The following PRR16 variants were observed in gnomAD, a reference collection of about 807,000 sequenced individuals.
The protein encoded by PRR16 is protein Largen.
Under a neutral mutation model 18.2 loss-of-function variants are expected in PRR16, and 6 were observed. The ratio of observed to expected loss-of-function variants is 0.33; its 90% confidence interval spans 0.18 to 0.65. The LOEUF is 0.65. Among genes scored for constraint, PRR16 ranks in the 30% least tolerant of loss-of-function variants. The pLI is 0.74. For synonymous variants in PRR16, 151 were observed against 147.8 expected, an observed-to-expected ratio of 1.02 and a Z score of -0.16; for missense variants, 412 against 376.6, an observed-to-expected ratio of 1.09 and a Z score of -0.78.
chr5:120,567,767 C>A (rs1316726923), intron 1 of PRR16, among the ~76,000 whole-genome samples: 1 of 152,182 alleles, frequency 6.6e-6, no homozygotes, highest in Non-Finnish European at 1.5e-5. Context: ...GTGTAAGTTT[C>A]TTCAGGCCTC....
At chr5:120,583,313 ATGTGTGTGTGTGTGTGTG>A (rs35255792) in intron 1 of PRR16, among the ~76,000 whole-genome samples, 1 of 149,134 alleles carries the variant, frequency 6.7e-6, no homozygotes, top group East Asian at 2.0e-4. Context: ...ATACAAAATA[ATGTGTGTGTGTGTGTGTG>A]TGTGTGTGTG....
the PRR16 span, among the ~76,000 whole-genome samples, chr5:120,769,354 G>T: frequency 6.8e-6 from 1 of 147,610 alleles, no homozygotes. Flanking sequence ...CCCTCTTTTT[G>T]TGGTAAGGAC....
Position 120,464,364 on chromosome 5 carries a change from C to A in PRR16, c.-123C>A. 1 of 1,146,446 alleles carries A rather than the reference C, an allele frequency of 8.7e-7. No individual in the cohort carries two copies. The highest frequency in any genetic ancestry group is 1.2e-6 in the Non-Finnish European group (1 of 858,746). 71.0% of individuals were successfully genotyped at this position (1,146,446 alleles called of 1,614,324 possible). On this transcript the variant is annotated 5_prime_UTR_variant, in exon 1 of 2. Coordinates refer to ENST00000407149, the MANE Select transcript of PRR16 (RefSeq NM_001300783.2). The stretch of plus-strand genomic sequence containing the variant: ...GCGGAGCGCAGCCACTCGCCGCTGC[C>A]CAGGGAGCGCCCAAGATGTGGGGGG...
chr5:120,665,468 C>A (rs1276494758), intron 1 of PRR16, among the ~76,000 whole-genome samples: 1 of 152,014 alleles, frequency 6.6e-6, no homozygotes, highest in Non-Finnish European at 1.5e-5. Flanking sequence ...TTAATTAGAT[C>A]CCATTTGTCA....
chr5:120,782,420 A>T, the PRR16 span, among the ~76,000 whole-genome samples: 1 of 152,074 alleles, frequency 6.6e-6, no homozygotes, highest in Non-Finnish European at 1.5e-5. Context: ...TTTATCTTTC[A>T]AATTGTGTTT....
chr5:120,513,762 C>CT (rs1294799034), intron 1 of PRR16, among the ~76,000 whole-genome samples: 10,446 of 142,040 alleles, frequency 0.074, 786 homozygotes, highest in African/African-American at 0.2. Context: ...CATCTGTTTT[C>CT]TTTTTTTTTT....
chr5:120,574,694 A>G (rs1753018378), intron 1 of PRR16, among the ~76,000 whole-genome samples: 1 of 149,260 alleles, frequency 6.7e-6, no homozygotes, highest in African/African-American at 2.6e-5. Context: ...AGAGAAATGC[A>G]AATTAAAACC....
chr5:120,733,051 A>G, the PRR16 span, among the ~76,000 whole-genome samples: 1 of 152,204 alleles, frequency 6.6e-6, no homozygotes. Context: ...GCCTCACCCA[A>G]CATACAATGT....
the PRR16 span, among the ~76,000 whole-genome samples, chr5:120,758,228 G>T: frequency 3.9e-5 from 6 of 151,984 alleles, no homozygotes; most frequent in Non-Finnish European, 7.4e-5. Flanking sequence ...CAAATTTTTT[G>T]TATTCTCAAA....
intron 1 of PRR16, among the ~76,000 whole-genome samples, chr5:120,499,370 A>G (rs1166890968): frequency 2.6e-5 from 4 of 151,384 alleles, no homozygotes; most frequent in African/African-American, 9.7e-5. Context: ...CTCTCCTAGA[A>G]CTCCAGTGAC....
At chr5:120,748,092 A>T in the PRR16 span, among the ~76,000 whole-genome samples, 2 of 152,180 alleles carry the variant, frequency 1.3e-5, no homozygotes, top group South Asian at 4.1e-4. Flanking sequence ...CTCTGACAAT[A>T]TATTATTGAA....
chr5:120,677,085 A>G (rs1561611008), intron 1 of PRR16, among the ~76,000 whole-genome samples: 1 of 152,240 alleles, frequency 6.6e-6, no homozygotes, highest in Non-Finnish European at 1.5e-5. Flanking sequence ...ATATCAATTC[A>G]TATACAGTCT....
At chr5:120,622,706 T>C (rs1754729473) in intron 1 of PRR16, among the ~76,000 whole-genome samples, 3 of 152,098 alleles carry the variant, frequency 2.0e-5, no homozygotes, top group East Asian at 1.9e-4. Flanking sequence ...CTCGATCTCC[T>C]GACCTTATGA....
chr5:120,729,554 GT>G, the PRR16 span, among the ~76,000 whole-genome samples: 1 of 152,174 alleles, frequency 6.6e-6, no homozygotes. Flanking sequence ...TTGAGTATTT[GT>G]TTGCTTATTG....
At chr5:120,726,057 T>G in the PRR16 span, among the ~76,000 whole-genome samples, 1 of 151,990 alleles carries the variant, frequency 6.6e-6, no homozygotes, top group Admixed American at 6.6e-5. Flanking sequence ...GGCACTAAGG[T>G]TGTTCATTTT....
chr5:120,773,900 A>G, the PRR16 span, among the ~76,000 whole-genome samples: 1 of 152,174 alleles, frequency 6.6e-6, no homozygotes, highest in Non-Finnish European at 1.5e-5. Flanking sequence ...CAGCCTTTAT[A>G]TTGAATATTA....
the PRR16 span, among the ~76,000 whole-genome samples, chr5:120,787,966 C>A: frequency 6.6e-6 from 1 of 150,590 alleles, no homozygotes; most frequent in Non-Finnish European, 1.5e-5. Flanking sequence ...AGGTCTTACT[C>A]TCTCTCTTGC....
the PRR16 span, among the ~76,000 whole-genome samples, chr5:120,701,049 A>G: frequency 2.7e-3 from 406 of 152,238 alleles, 1 homozygote; most frequent in African/African-American, 9.4e-3. Context: ...TTTCTGGCAC[A>G]TGTAGCAAGC....
chr5:120,618,874 G>T (rs1244398161), intron 1 of PRR16, among the ~76,000 whole-genome samples: 1 of 151,738 alleles, frequency 6.6e-6, no homozygotes, highest in Non-Finnish European at 1.5e-5. Flanking sequence ...CTTATTCAAT[G>T]GAATTCATAA....
Sources: gnomAD v4.1 joint callset for allele counts (sites outside exome capture counted in the v4.1 genomes callset) on GRCh38, gnomAD v4.1.1 for gene constraint, MANE v1.5 for transcripts, NCBI Gene and HGNC (gene_info 2026-07-23, HGNC 2026-07-21) for gene names.